The following PLXNA2 variants were observed in gnomAD, a reference collection of about 807,000 sequenced individuals.
PLXNA2 encodes the protein plexin A2.
A neutral mutation model predicts 193.5 loss-of-function variants in PLXNA2; 91 were observed. The ratio of observed to expected loss-of-function variants is 0.47; its 90% confidence interval spans 0.40 to 0.56. PLXNA2 has a LOEUF of 0.56. Among genes scored for constraint, PLXNA2 ranks in the 20% least tolerant of loss-of-function variants. The pLI is 0.00. For synonymous variants in PLXNA2, 997 were observed against 1,027.3 expected (o/e 0.97, Z 0.56); for missense variants, 1,995 against 2,503.2 (o/e 0.80, Z 4.33).
chr1:208,150,836 C>T (rs1668739299), intron 3 of PLXNA2, among the ~76,000 whole-genome samples: 1 of 152,152 alleles, frequency 6.6e-6, no homozygotes, highest in South Asian at 2.1e-4. Flanking sequence ...GAGAGAATGA[C>T]ACAAAGAGCT....
rs1425743857 is a variant in PLXNA2, at chr1:208,051,003, A to C, written c.3255+6T>G. 6.2e-7 allele frequency: 1 copy of C among 1,600,856 alleles called. No individual in the cohort carries two copies. Among genetic ancestry groups the C allele is most frequent in the East Asian group, 2.2e-5 (1 of 44,804 alleles). On this transcript the variant is annotated splice_donor_region_variant and intron_variant, in intron 17 of 31. Coordinates refer to ENST00000367033, the MANE Select transcript of PLXNA2 (RefSeq NM_025179.4). ...CAAAGGCTGGGGCAGACCAACAGTT[A>C]CTCACATTGACAGATTCTTTGCCAT...
chr1:208,121,339 A>T (rs929104496), intron 4 of PLXNA2, among the ~76,000 whole-genome samples: 1 of 152,186 alleles, frequency 6.6e-6, no homozygotes, highest in African/African-American at 2.4e-5. Context: ...GTGTTTTAGA[A>T]GCAGATGGTT....
rs372766345 is a variant in PLXNA2 at position 208,027,989 on chromosome 1, C to T, written c.5589+20G>A. The T allele has an allele frequency of 7.8e-6, 12 of 1,540,914 alleles. No homozygotes were observed. Among genetic ancestry groups the T allele is most frequent in the Non-Finnish European group, 8.8e-6 (10 of 1,139,672 alleles). On this transcript the variant is annotated intron_variant, in intron 31 of 31. Coordinates refer to ENST00000367033, the MANE Select transcript of PLXNA2 (RefSeq NM_025179.4). The stretch of plus-strand genomic sequence containing the variant: ...GCTCCTTGCCTGTTGGTTTCTGTCC[C>T]TGCTGGGGCCCTGTCTCACCTCCTC...
chr1:208,187,105 G>C (rs1221087561), intron 3 of PLXNA2, among the ~76,000 whole-genome samples: 3 of 152,170 alleles, frequency 2.0e-5, no homozygotes, highest in African/African-American at 4.8e-5. Flanking sequence ...GCAGACCTAA[G>C]AATTTTGAAC....
In PLXNA2 at chr1:208,106,039, A is replaced by G. The variant is rs1358440775; in HGVS notation, c.1507-2792T>C. On this transcript the variant is annotated intron_variant, in intron 4 of 31. Coordinates refer to ENST00000367033, the MANE Select transcript of PLXNA2 (RefSeq NM_025179.4). The stretch of plus-strand genomic sequence containing the variant: ...CAAACATGAAACCAATAGCACAACT[A>G]TTTTTCCTGTTTCCTGGGCCCTCCT... Among the ~76,000 whole-genome samples, 18 of 140,856 alleles carry G rather than the reference A, an allele frequency of 1.3e-4. No homozygotes were observed. The Admixed American group carries it at 1.3e-3, about 10-fold the overall frequency. 92.4% of individuals were successfully genotyped at this position (140,856 alleles called of 152,430 possible).
intron 3 of PLXNA2, among the ~76,000 whole-genome samples, chr1:208,183,632 A>C (rs1669913463): frequency 6.7e-6 from 1 of 148,268 alleles, no homozygotes; most frequent in Non-Finnish European, 1.5e-5. Context: ...GGGGTGGGGG[A>C]CGGTGCTGGG....
chr1:208,151,821 C>A (rs973843831), intron 3 of PLXNA2, among the ~76,000 whole-genome samples: 7 of 152,192 alleles, frequency 4.6e-5, no homozygotes, highest in Non-Finnish European at 8.8e-5. Flanking sequence ...GATTCCAAAG[C>A]CTGAACTCTT....
At chr1:208,157,295 T>C (rs1668967413) in intron 3 of PLXNA2, among the ~76,000 whole-genome samples, 1 of 152,238 alleles carries the variant, frequency 6.6e-6, no homozygotes, top group Non-Finnish European at 1.5e-5. Flanking sequence ...GGCTTGGCTT[T>C]TCTAGTTCTA....
chr1:208,226,460 T>C (rs2102629715), intron 1 of PLXNA2, among the ~76,000 whole-genome samples: 1 of 152,256 alleles, frequency 6.6e-6, no homozygotes, highest in Middle Eastern at 3.4e-3. Context: ...TCACAGGCTA[T>C]AAAAGTTTGG....
intron 3 of PLXNA2, among the ~76,000 whole-genome samples, chr1:208,190,184 GAAC>G (rs1204754981): frequency 6.6e-6 from 1 of 152,106 alleles, no homozygotes; most frequent in Non-Finnish European, 1.5e-5. Flanking sequence ...TGGCAGTTAT[GAAC>G]AACATTTTCC....
chr1:208,242,988 G>A (rs1672108729), intron 1 of PLXNA2, among the ~76,000 whole-genome samples: 1 of 152,178 alleles, frequency 6.6e-6, no homozygotes, highest in Non-Finnish European at 1.5e-5. Flanking sequence ...CTCCTGTGGT[G>A]CTCAAACTAA....
At chr1:208,075,171 C>T (rs940010043) in intron 12 of PLXNA2, among the ~76,000 whole-genome samples, 35 of 152,110 alleles carry the variant, frequency 2.3e-4, no homozygotes, top group Admixed American at 1.0e-3. Flanking sequence ...ATTAGCTGGG[C>T]GTGGTGGCAC....
At chr1:208,152,921 G>A (rs1332392596) in intron 3 of PLXNA2, among the ~76,000 whole-genome samples, 3 of 151,776 alleles carry the variant, frequency 2.0e-5, no homozygotes, top group African/African-American at 7.3e-5. Flanking sequence ...CCTACTCCAC[G>A]AAGCCTGCAC....
At position 208,038,801 on chromosome 1, in the gene PLXNA2, A is replaced by G. The variant is rs770054884; in HGVS notation, c.4660+24T>C. 2.5e-6 allele frequency: 4 copies of G among 1,609,458 alleles called. No homozygotes were observed. Among genetic ancestry groups the G allele is most frequent in the Non-Finnish European group, 3.4e-6 (4 of 1,177,004 alleles). ...CCTTCACCTCTCAACCCCTGCCCTC[A>G]CACTCTGAGTCCAGGTTTCCTACCC... On this transcript the variant is annotated intron_variant, in intron 25 of 31. Transcript: ENST00000367033. The surrounding 1 kb of genome is among the most constrained non-coding windows in gnomAD (Gnocchi z 4.1).
Position 208,082,484 on chromosome 1 carries a change from T to C in PLXNA2, c.2323A>G (p.Ser775Gly), listed in dbSNP as rs748440287. ...ACAGCGAAATCCACGGCCAGATTGCTGATGTCCATGCCATCATACTGGTAC... is the reference window on the plus strand; with the variant it reads ...ACAGCGAAATCCACGGCCAGATTGCCGATGTCCATGCCATCATACTGGTAC... ...SSYQYDGMDISNLAVDFAVVW... is the reference protein window; with the variant it reads ...SSYQYDGMDIGNLAVDFAVVW... Residue 775 changes from serine (S) to glycine (G), a missense_variant, in exon 11 of 32, where the codon AGC (serine) becomes GGC (glycine). Ser to Gly is a moderately conservative substitution (Grantham distance 56, BLOSUM62 0). Around this residue, in one of 3 missense-constraint regions of PLXNA2, gnomAD observed 1,291 missense variants for 1,673.6 expected, o/e 0.77. Transcript: ENST00000367033. The surrounding 1 kb of genome is among the most constrained non-coding windows in gnomAD (Gnocchi z 4.2). The C allele has an allele frequency of 1.9e-6, 3 of 1,614,082 alleles. No homozygotes were observed. Among genetic ancestry groups the C allele is most frequent in the African/African-American group, 2.7e-5 (2 of 75,054 alleles).
At chr1:208,220,937 T>C (rs868124752) in intron 1 of PLXNA2, among the ~76,000 whole-genome samples, 1 of 152,112 alleles carries the variant, frequency 6.6e-6, no homozygotes. Flanking sequence ...GGGAAAGAAA[T>C]AGATCCAAGG....
intron 4 of PLXNA2, among the ~76,000 whole-genome samples, chr1:208,130,334 G>T (rs144511527): frequency 7.0e-4 from 107 of 152,298 alleles, no homozygotes; most frequent in Middle Eastern, 3.4e-3. Flanking sequence ...ATTTCCCCCA[G>T]TGGGTACATG....
Position 208,138,522 on chromosome 1 carries a change from C to T in PLXNA2, c.1506+3807G>A, listed in dbSNP as rs537899838. ...ATAACCAAACCAGCATTCCAGCTTT[C>T]TCTACAATGTTGACCCTTCAGCGAA... On this transcript the variant is annotated intron_variant, in intron 4 of 31. Transcript: ENST00000367033. Among the ~76,000 whole-genome samples the T allele has an allele frequency of 6.6e-5, 10 of 152,360 alleles. No homozygotes were observed. The South Asian group carries it at 1.4e-3, about 22-fold the overall frequency.
At chr1:208,098,224 T>G (rs1407190267) in intron 6 of PLXNA2, among the ~76,000 whole-genome samples, 1 of 152,178 alleles carries the variant, frequency 6.6e-6, no homozygotes, top group East Asian at 1.9e-4. Flanking sequence ...ATGAATGAAC[T>G]GAAATCTTGG....
Sources: allele counts gnomAD v4.1 joint callset (sites outside exome capture counted in the v4.1 genomes callset), GRCh38; gene constraint gnomAD v4.1.1; regional missense constraint gnomAD v4.1.1; non-coding constraint Gnocchi (gnomAD v3.1); transcripts MANE v1.5; gene names NCBI Gene and HGNC (gene_info 2026-07-23, HGNC 2026-07-21).